Variants in BANK1 observed in about 807,000 individuals in gnomAD.
BANK1 encodes B cell scaffold protein with ankyrin repeats 1.
A neutral mutation model predicts 94.5 loss-of-function variants in BANK1; 95 were observed. The ratio of observed to expected loss-of-function variants is 1.00; its 90% CI spans 0.85 to 1.19. The LOEUF is 1.19. Among genes scored for constraint, BANK1 ranks in the 50% most tolerant of loss-of-function variants. The probability of loss-of-function intolerance (pLI) is 0.00; values close to 1 mark genes in which losing one functional copy is unlikely to be tolerated. For missense variants in BANK1, 987 were observed against 932.2 expected (o/e 1.06, Z -0.77); for synonymous variants, 334 against 308.4 (o/e 1.08, Z -0.87).
chr4:102,059,556 T>C (rs1375161769), intron 11 of BANK1, among the ~76,000 whole-genome samples: 1 of 152,206 alleles, frequency 6.6e-6, no homozygotes, highest in Non-Finnish European at 1.5e-5. Context: ...AGGGAAACAC[T>C]GAGTTCACCC....
Position 101,835,010 on chromosome 4 carries a change from T to C in BANK1, c.469+4804T>C, listed in dbSNP as rs574523346. 2.3e-3 allele frequency among the ~76,000 whole-genome samples: 344 copies of C among 152,306 alleles called. 2 individuals are homozygous for C. Among genetic ancestry groups the C allele is most frequent in the African/African-American group, 7.7e-3 (319 of 41,582 alleles). On this transcript the variant is annotated intron_variant, in intron 2 of 16. Transcript: ENST00000322953. ...GGAATTAAGAAAACCAAATTTCCTGTCTTCTTAATTCCCAAATTGGGAGTA... is the reference window on the plus strand; with the variant it reads ...GGAATTAAGAAAACCAAATTTCCTGCCTTCTTAATTCCCAAATTGGGAGTA...
chr4:102,016,045 C>G (rs182486047), intron 7 of BANK1, among the ~76,000 whole-genome samples: 26 of 152,178 alleles, frequency 1.7e-4, no homozygotes, highest in African/African-American at 6.3e-4. Context: ...AGTATTCTTG[C>G]TGTTTTGTTC....
chr4:101,897,394 G>T lies in BANK1; in HGVS notation c.1009+1984G>T, dbSNP rs117530499. Among the ~76,000 whole-genome samples the T allele has an allele frequency of 1.3e-4, 20 of 152,048 alleles. No homozygotes were observed. The East Asian group carries it at 3.9e-3, about 29-fold the overall frequency. On this transcript the variant is annotated intron_variant, in intron 6 of 16. Transcript: ENST00000322953. ...AAGAATTCCAGATAAGATTAAAACT[G>T]CCTCTCGGTATACTGTTTAGGTTGT...
intron 7 of BANK1, among the ~76,000 whole-genome samples, chr4:101,925,484 C>T (rs1337465054): frequency 6.6e-6 from 1 of 151,582 alleles, no homozygotes; most frequent in Non-Finnish European, 1.5e-5. Flanking sequence ...ACAGATAAGG[C>T]AATTTATGAA....
chr4:101,845,905 T>TG (rs140755415), intron 2 of BANK1, among the ~76,000 whole-genome samples: 6,920 of 152,330 alleles, frequency 0.045, 558 homozygotes, highest in African/African-American at 0.16. Context: ...AAGGTACAGG[T>TG]GCACAACGTG....
In BANK1 at chr4:102,074,793, G is replaced by A. The variant is rs928705236; in HGVS notation, c.*794G>A. On this transcript the variant is annotated 3_prime_UTR_variant, in exon 17 of 17. Transcript: ENST00000322953. ...GAATTAGCCAATAAAATTGCTTCTC[G>A]GCCTTTTGGCTAAGATCAAGTGGAG... is the stretch of plus-strand genomic sequence containing the variant. 2.0e-5 allele frequency: 3 copies of A among 151,778 alleles called. No individual in the cohort carries two copies. Among genetic ancestry groups the A allele is most frequent in the Admixed American group, 6.6e-5 (1 of 15,240 alleles). The allele number at this position is 151,778 out of a possible 1,614,324, so 9.4% of individuals were successfully genotyped here. A position where few individuals can be genotyped will look rare whatever the true frequency, so the allele number is the denominator to read the frequency against.
At chr4:101,969,510 A>C (rs908432157) in intron 7 of BANK1, among the ~76,000 whole-genome samples, 1 of 152,138 alleles carries the variant, frequency 6.6e-6, no homozygotes, top group South Asian at 2.1e-4. Context: ...GTTAGTTATT[A>C]AAAGTTTTGG....
intron 7 of BANK1, among the ~76,000 whole-genome samples, chr4:101,920,010 A>G (rs1722949091): frequency 6.6e-6 from 1 of 152,048 alleles, no homozygotes. Flanking sequence ...AATTTTATCT[A>G]AAATAAATTT....
chr4:101,891,368 T>C (rs1420915157), intron 5 of BANK1, among the ~76,000 whole-genome samples: 1 of 152,156 alleles, frequency 6.6e-6, no homozygotes, highest in Admixed American at 6.5e-5. Flanking sequence ...TAATTGTTTT[T>C]ACCATATAGA....
At chr4:101,856,069 T>G (rs563844151) in intron 3 of BANK1, among the ~76,000 whole-genome samples, 22 of 151,878 alleles carry the variant, frequency 1.4e-4, no homozygotes, top group Non-Finnish European at 2.8e-4. Flanking sequence ...CCTGAAGGAG[T>G]CTTTCTGATA....
At chr4:102,010,077 T>C (rs558435404) in intron 7 of BANK1, among the ~76,000 whole-genome samples, 194 of 151,074 alleles carry the variant, frequency 1.3e-3, no homozygotes, top group African/African-American at 4.3e-3. Flanking sequence ...CCATCCTGGC[T>C]AACACGGTGA....
chr4:101,840,573 C>T (rs978634840), intron 2 of BANK1, among the ~76,000 whole-genome samples: 1 of 152,320 alleles, frequency 6.6e-6, no homozygotes, highest in South Asian at 2.1e-4. Context: ...TAAGGACATG[C>T]TCCTGCTGCA....
At chr4:101,890,504 T>C (rs1049728651) in intron 5 of BANK1, among the ~76,000 whole-genome samples, 91 of 150,768 alleles carry the variant, frequency 6.0e-4, no homozygotes, top group African/African-American at 2.0e-3. Context: ...AATTTTTGCA[T>C]GCTATATCTG....
At chr4:101,906,830 T>G (rs1339650147) in intron 6 of BANK1, among the ~76,000 whole-genome samples, 5 of 152,132 alleles carry the variant, frequency 3.3e-5, no homozygotes, top group Non-Finnish European at 7.4e-5. Flanking sequence ...CAACTTGGAT[T>G]CGAGCCCCCA....
intron 10 of BANK1, among the ~76,000 whole-genome samples, chr4:102,031,869 G>A (rs771115795): frequency 8.5e-5 from 13 of 152,094 alleles, no homozygotes; most frequent in East Asian, 1.9e-4. Context: ...TAGCAAGCAC[G>A]TATAAAGTAT....
intron 7 of BANK1, among the ~76,000 whole-genome samples, chr4:101,956,147 A>T (rs996701600): frequency 7.9e-5 from 12 of 152,142 alleles, no homozygotes; most frequent in South Asian, 4.1e-4. Flanking sequence ...ATACAAAAAA[A>T]ATATAATTTG....
intron 2 of BANK1, among the ~76,000 whole-genome samples, chr4:101,853,116 A>C (rs1476223413): frequency 6.6e-6 from 1 of 152,170 alleles, no homozygotes; most frequent in Non-Finnish European, 1.5e-5. Flanking sequence ...AAGTGTTTTA[A>C]ATTGTTAGTG....
chr4:102,013,837 G>C (rs764815721), intron 7 of BANK1, among the ~76,000 whole-genome samples: 1 of 151,634 alleles, frequency 6.6e-6, no homozygotes, highest in African/African-American at 2.4e-5. Flanking sequence ...TAAAAAATAG[G>C]GCAACATAAA....
chr4:101,972,615 T>C (rs986392520), intron 7 of BANK1: 4 of 152,066 alleles, frequency 2.6e-5, no homozygotes, highest in African/African-American at 9.7e-5. Context: ...TCTAATCAAC[T>C]CAATTAAATG....
Sources: gnomAD v4.1 joint callset for allele counts (sites outside exome capture counted in the v4.1 genomes callset) on GRCh38, gnomAD v4.1.1 for gene constraint, MANE v1.5 for transcripts, NCBI Gene and HGNC (gene_info 2026-07-23, HGNC 2026-07-21) for gene names.